The following TJP1 variants were observed in gnomAD, a reference collection of about 807,000 sequenced individuals.
The protein encoded by TJP1 is tight junction protein ZO-1.
TJP1 carries 43 observed loss-of-function variants against 194.2 expected under a neutral mutation model. The ratio of observed to expected loss-of-function variants is 0.22; its 90% CI spans 0.17 to 0.29. The LOEUF is 0.29. Among genes scored for constraint, TJP1 ranks in the 10% least tolerant of loss-of-function variants. The probability of loss-of-function intolerance (pLI) is 1.00; values close to 1 mark genes in which losing one functional copy is unlikely to be tolerated. For synonymous variants in TJP1, 801 were observed against 779.0 expected, an observed-to-expected ratio of 1.03 and a Z score of -0.47; for missense variants, 1,971 against 2,185.7, an observed-to-expected ratio of 0.90 and a Z score of 1.96.
chr15:29,896,594 G>A (rs1430167244), intron 2 of TJP1, among the ~76,000 whole-genome samples: 1 of 152,218 alleles, frequency 6.6e-6, no homozygotes, highest in East Asian at 1.9e-4. Flanking sequence ...AGTTTGGAGG[G>A]CTCAGAAGAA....
chr15:29,936,131 C>T (rs1420385576), intron 2 of TJP1, among the ~76,000 whole-genome samples: 1 of 152,076 alleles, frequency 6.6e-6, no homozygotes, highest in African/African-American at 2.4e-5. Flanking sequence ...TTTCCTCCCT[C>T]CTATGCGCTA....
intron 2 of TJP1, among the ~76,000 whole-genome samples, chr15:29,873,000 A>T (rs2052579259): frequency 6.6e-6 from 1 of 152,224 alleles, no homozygotes; most frequent in African/African-American, 2.4e-5. Context: ...TGCACGCACC[A>T]TTCATTTCCA....
At position 29,717,979 on chromosome 15, in the gene TJP1, C is replaced by T; in HGVS notation, c.3974+42G>A. 3 of 1,529,766 alleles carry T rather than the reference C, an allele frequency of 2.0e-6. No homozygotes were observed. In the South Asian group the frequency reaches 3.5e-5, roughly 18 times the overall value. The allele number at this position is 1,529,766 out of a possible 1,614,324, so 94.8% of individuals were successfully genotyped here. A position where few individuals can be genotyped will look rare whatever the true frequency, so the allele number is the denominator to read the frequency against. On this transcript the variant is annotated intron_variant, in intron 22 of 27. Transcript: ENST00000614355. ...TCTTATTGACTAAGAGGGTTAAATT[C>T]CTGGTCAGTTCTATGCCACAAAGAG...
intron 2 of TJP1, among the ~76,000 whole-genome samples, chr15:29,912,871 A>T (rs2054066614): frequency 6.6e-6 from 1 of 152,196 alleles, no homozygotes; most frequent in African/African-American, 2.4e-5. Flanking sequence ...TTTAAAAATA[A>T]GTTTTAAAAG....
chr15:29,824,647 TG>T (rs1299558133), upstream of TJP1, among the ~76,000 whole-genome samples: 1 of 152,078 alleles, frequency 6.6e-6, no homozygotes, highest in Non-Finnish European at 1.5e-5. Context: ...TTTTAAAAGG[TG>T]GTGATGAAAG....
chr15:29,780,658 G>A (rs901915941), intron 2 of TJP1, among the ~76,000 whole-genome samples: 3 of 152,140 alleles, frequency 2.0e-5, no homozygotes, highest in Non-Finnish European at 4.4e-5. Flanking sequence ...AAGTATGCCT[G>A]AAAGAAGGCT....
At chr15:29,743,668 A>AGT (rs1410947730) in intron 8 of TJP1, among the ~76,000 whole-genome samples, 1 of 152,210 alleles carries the variant, frequency 6.6e-6, no homozygotes, top group Non-Finnish European at 1.5e-5. Flanking sequence ...TGGAGGCTGA[A>AGT]GTGAGCTATG....
intron 2 of TJP1, among the ~76,000 whole-genome samples, chr15:29,861,164 C>T (rs951142890): frequency 6.6e-6 from 1 of 152,138 alleles, no homozygotes; most frequent in Admixed American, 6.5e-5. Flanking sequence ...AATGAAATTG[C>T]TGGTTCATAT....
intron 8 of TJP1, among the ~76,000 whole-genome samples, chr15:29,749,644 C>G (rs987177579): frequency 6.6e-6 from 1 of 152,172 alleles, no homozygotes; most frequent in Non-Finnish European, 1.5e-5. Flanking sequence ...TGAGATACCT[C>G]CCCAGCACAT....
chr15:29,799,232 A>G (rs977208129), intron 2 of TJP1, among the ~76,000 whole-genome samples: 1 of 152,172 alleles, frequency 6.6e-6, no homozygotes, highest in Non-Finnish European at 1.5e-5. Context: ...TCATAAGGTA[A>G]GAAGTTATTT....
chr15:29,794,468 A>G (rs1008315568), intron 2 of TJP1, among the ~76,000 whole-genome samples: 4 of 152,232 alleles, frequency 2.6e-5, no homozygotes, highest in Non-Finnish European at 1.5e-5. Context: ...CGGCATTATC[A>G]TAACAGACTT....
chr15:29,813,488 CTAA>C (rs1379705148), intron 1 of TJP1, among the ~76,000 whole-genome samples: 3 of 152,162 alleles, frequency 2.0e-5, no homozygotes, highest in Non-Finnish European at 4.4e-5. Flanking sequence ...TGAATGAAAA[CTAA>C]TGAGCTACAG....
chr15:29,801,758 G>A (rs964971145), intron 1 of TJP1, among the ~76,000 whole-genome samples: 12 of 152,080 alleles, frequency 7.9e-5, no homozygotes, highest in Non-Finnish European at 1.5e-4. Context: ...ACCGCGCCCG[G>A]CCGAAAATAA....
chr15:29,771,281 T>C (rs954719702), intron 4 of TJP1, among the ~76,000 whole-genome samples: 1 of 152,200 alleles, frequency 6.6e-6, no homozygotes, highest in Non-Finnish European at 1.5e-5. Flanking sequence ...CTACTTGGCA[T>C]AGCCTATTGC....
At position 29,848,637 on chromosome 15, in the gene TJP1, G is replaced by A. The variant is rs192498640; in HGVS notation, c.307-47935C>T. On this transcript the variant is annotated intron_variant, in intron 2 of 28. Coordinates refer to the TJP1 transcript ENST00000356107. ...AGCACTTTGGGAAGCCAAGGCGAGC[G>A]GATCACAAGGTCAAGAGATTGAGAC... is the stretch of plus-strand genomic sequence containing the variant. 1.2e-3 allele frequency among the ~76,000 whole-genome samples: 184 copies of A among 152,128 alleles called. 1 individual carries two copies. Among genetic ancestry groups the A allele is most frequent in the African/African-American group, 3.2e-3 (134 of 41,498 alleles).
chr15:29,779,578 C>A (rs1567011113), intron 2 of TJP1, among the ~76,000 whole-genome samples: 1 of 152,194 alleles, frequency 6.6e-6, no homozygotes, highest in African/African-American at 2.4e-5. Flanking sequence ...CAACTCAATG[C>A]AACCCTGCAG....
At chr15:29,813,126 C>T (rs2049646551) in intron 1 of TJP1, among the ~76,000 whole-genome samples, 1 of 152,096 alleles carries the variant, frequency 6.6e-6, no homozygotes, top group African/African-American at 2.4e-5. Context: ...CTGATTGTGG[C>T]TTTTGGTGGT....
intron 2 of TJP1, among the ~76,000 whole-genome samples, chr15:29,943,895 C>T (rs183716858): frequency 6.6e-6 from 1 of 151,454 alleles, no homozygotes; most frequent in Admixed American, 6.6e-5. Context: ...TTGCAGTGAG[C>T]CAAGATTGTG....
Position 29,860,988 on chromosome 15 carries a change from A to G in TJP1, c.307-60286T>C, listed in dbSNP as rs570020157. 7.2e-5 allele frequency among the ~76,000 whole-genome samples: 11 copies of G among 152,364 alleles called. No individual in the cohort carries two copies. The East Asian group carries it at 1.9e-3, about 27-fold the overall frequency. ...AACTTTTATATAGACTGAGAAACGA[A>G]AAGAATTGTGTGATTCACATTATTG... On this transcript the variant is annotated intron_variant, in intron 2 of 28. Transcript: ENST00000356107.
Sources: allele counts gnomAD v4.1 joint callset (sites outside exome capture counted in the v4.1 genomes callset), GRCh38; gene constraint gnomAD v4.1.1; transcripts MANE v1.5; gene names NCBI Gene and HGNC (gene_info 2026-07-23, HGNC 2026-07-21).